ADGRL3: variants seen among roughly 807,000 people sequenced by gnomAD.
The protein encoded by ADGRL3 is adhesion G protein-coupled receptor L3.
Under a neutral mutation model 153.5 loss-of-function variants are expected in ADGRL3, and 62 were observed. The observed-to-expected ratio is 0.40, with a 90% CI of 0.33 to 0.50. The LOEUF is 0.50. Ranked by LOEUF, ADGRL3 falls within the 20% of genes least tolerant of loss-of-function variation. The pLI is 0.47. For synonymous variants in ADGRL3, 710 were observed against 672.5 expected (o/e 1.06, Z -0.86); for missense variants, 1,641 against 1,859.4 (o/e 0.88, Z 2.16).
intron 9 of ADGRL3, among the ~76,000 whole-genome samples, chr4:61,848,032 TTATATATATAATATAAAATATATTA>T (rs1561353280): frequency 1.3e-4 from 1 of 7,806 alleles, no homozygotes; most frequent in Non-Finnish European, 3.9e-4. Flanking sequence ...ATAAAATATA[TTATATATATAATATAAAATATATTA>T]TATATATAAT....
At chr4:61,626,279 G>C (rs956022964) in intron 5 of ADGRL3, among the ~76,000 whole-genome samples, 15 of 151,816 alleles carry the variant, frequency 9.9e-5, no homozygotes, top group Admixed American at 9.8e-4. Flanking sequence ...CCATTTATTT[G>C]GATTAAACTG....
chr4:61,339,851 GA>G (rs1453743083), intron 1 of ADGRL3, among the ~76,000 whole-genome samples: 2 of 152,138 alleles, frequency 1.3e-5, no homozygotes, highest in Non-Finnish European at 2.9e-5. Context: ...TTGGGTTTGT[GA>G]AGCCCAGGTG....
rs1455820768 is a variant in ADGRL3, at chr4:62,071,080, A to C, written c.*172A>C. The C allele has an allele frequency of 5.2e-6, 3 of 580,618 alleles. No homozygotes were observed. The highest frequency in any genetic ancestry group is 6.4e-5 in the Admixed American group (2 of 31,216). The allele number at this position is 580,618 out of a possible 1,614,324, so 36.0% of individuals were successfully genotyped here. A position where few individuals can be genotyped will look rare whatever the true frequency, so the allele number is the denominator to read the frequency against. On this transcript the variant is annotated 3_prime_UTR_variant, in exon 27 of 27. Transcript: ENST00000683033. ...TTTAATGGGATTTTTAGGTCAGCCC[A>C]GGGGAGAAAGATAACTGCTAAAATT...
intron 1 of ADGRL3, among the ~76,000 whole-genome samples, chr4:61,304,921 A>G (rs1427408546): frequency 1.3e-5 from 2 of 152,194 alleles, no homozygotes; most frequent in Non-Finnish European, 2.9e-5. Flanking sequence ...ATCAATTTAG[A>G]CAGTGTAACA....
chr4:61,384,612 C>A (rs1030143142), intron 2 of ADGRL3, among the ~76,000 whole-genome samples: 44 of 151,770 alleles, frequency 2.9e-4, no homozygotes, highest in African/African-American at 1.0e-3. Flanking sequence ...AAAATTAACC[C>A]TTCTAGATAT....
intron 1 of ADGRL3, among the ~76,000 whole-genome samples, chr4:61,249,976 T>C (rs115542439): frequency 1.3e-5 from 2 of 152,178 alleles, no homozygotes; most frequent in African/African-American, 2.4e-5. Flanking sequence ...TATGGACTCT[T>C]ATGATGATCC....
chr4:61,587,227 C>G lies in ADGRL3; in HGVS notation c.260C>G (p.Ala87Gly), dbSNP rs748085548. ...CTTTTCTTCCTCTTCCTTTTGGCAGCTTTCAGCCGTGCCCCAATTCCAATG... is the reference window on the plus strand; with the variant it reads ...CTTTTCTTCCTCTTCCTTTTGGCAGGTTTCAGCCGTGCCCCAATTCCAATG... ...GAQGAQIAAQ[A>G]FSRAPIPMAV... The change falls in exon 5 of 27, where the codon GCT (alanine) becomes GGT (glycine). Residue 87 changes from alanine to glycine, a missense_variant and splice_region_variant. Coordinates refer to ENST00000683033, the MANE Select transcript of ADGRL3 (RefSeq NM_001387552.1). The G allele has an allele frequency of 5.5e-5, 88 of 1,598,898 alleles. No individual in the cohort carries two copies. The highest frequency in any genetic ancestry group is 2.4e-4 in the Admixed American group (14 of 58,078).
chr4:61,502,953 T>C (rs549373418), intron 3 of ADGRL3, among the ~76,000 whole-genome samples: 1 of 152,322 alleles, frequency 6.6e-6, no homozygotes, highest in Non-Finnish European at 1.5e-5. Flanking sequence ...AATATAACTA[T>C]GTTTATAGTC....
At chr4:61,906,281 A>G (rs573029141) in intron 11 of ADGRL3, 7 of 152,098 alleles carry the variant, frequency 4.6e-5, no homozygotes, top group Non-Finnish European at 1.0e-4. Flanking sequence ...TCTCCTTCAT[A>G]ATTTTACACT....
intron 19 of ADGRL3, among the ~76,000 whole-genome samples, chr4:61,995,472 A>C (rs976213588): frequency 5.3e-5 from 8 of 152,024 alleles, no homozygotes; most frequent in African/African-American, 9.7e-5. Context: ...TTACCACTGG[A>C]GTTATTTTCT....
chr4:61,576,080 A>G (rs79376461), intron 4 of ADGRL3, among the ~76,000 whole-genome samples: 2 of 151,894 alleles, frequency 1.3e-5, no homozygotes, highest in East Asian at 1.9e-4. Context: ...TTTGAAGTCA[A>G]TTCATATAGC....
chr4:61,547,060 A>G (rs2098717103), intron 4 of ADGRL3, among the ~76,000 whole-genome samples: 1 of 152,202 alleles, frequency 6.6e-6, no homozygotes. Flanking sequence ...GCTGTATAGA[A>G]ATTACTATAG....
chr4:61,297,344 A>G (rs1053138043), intron 1 of ADGRL3, among the ~76,000 whole-genome samples: 7 of 152,098 alleles, frequency 4.6e-5, no homozygotes, highest in Non-Finnish European at 7.4e-5. Flanking sequence ...TAATCAGTTT[A>G]TTAGTTTGCA....
rs1172787939 is a variant in ADGRL3 at position 61,641,818 on chromosome 4, G to C, written c.474-35008G>C. ...TATATACCCAGTAATGGGATGGCTG[G>C]GACAAATGGTATTTCTAGTTCTAGG... On this transcript the variant is annotated intron_variant, in intron 5 of 26. Coordinates refer to ENST00000683033, the MANE Select transcript of ADGRL3 (RefSeq NM_001387552.1). Among the ~76,000 whole-genome samples the C allele has an allele frequency of 2.7e-5, 4 of 149,260 alleles. No individual in the cohort carries two copies. In the East Asian group the frequency reaches 8.0e-4, roughly 30 times the overall value.
chr4:61,788,587 G>A (rs559109288), intron 8 of ADGRL3, among the ~76,000 whole-genome samples: 1 of 152,180 alleles, frequency 6.6e-6, no homozygotes, highest in South Asian at 2.1e-4. Flanking sequence ...CAATGAGAAA[G>A]AACCCAGAAA....
chr4:62,071,076 G>C lies in ADGRL3; in HGVS notation c.*168G>C. 1 of 589,890 alleles carries C rather than the reference G, an allele frequency of 1.7e-6. No individual in the cohort carries two copies. Among genetic ancestry groups the C allele is most frequent in the South Asian group, 2.6e-5 (1 of 38,270 alleles). The allele number at this position is 589,890 out of a possible 1,614,324, so 36.5% of individuals were successfully genotyped here. On this transcript the variant is annotated 3_prime_UTR_variant, in exon 27 of 27. Transcript: ENST00000683033. The stretch of plus-strand genomic sequence containing the variant: ...TTTTTTTAATGGGATTTTTAGGTCA[G>C]CCCAGGGGAGAAAGATAACTGCTAA...
chr4:61,378,729 C>T (rs1202547592), intron 1 of ADGRL3, among the ~76,000 whole-genome samples: 2 of 151,906 alleles, frequency 1.3e-5, no homozygotes, highest in African/African-American at 4.8e-5. Flanking sequence ...GAAAACCAGA[C>T]TCTGTGAAAA....
At chr4:61,553,753 G>A (rs2098751443) in intron 4 of ADGRL3, among the ~76,000 whole-genome samples, 1 of 152,028 alleles carries the variant, frequency 6.6e-6, no homozygotes, top group South Asian at 2.1e-4. Context: ...TGGTTAATCA[G>A]TGGCTAGGCA....
chr4:61,244,196 G>A (rs1045029899), intron 1 of ADGRL3, among the ~76,000 whole-genome samples: 2 of 152,008 alleles, frequency 1.3e-5, no homozygotes, highest in Non-Finnish European at 2.9e-5. Flanking sequence ...TATGATGAAA[G>A]GGGAGGGATT....
Sources: gnomAD v4.1 joint callset for allele counts (sites outside exome capture counted in the v4.1 genomes callset) on GRCh38, gnomAD v4.1.1 for gene constraint, MANE v1.5 for transcripts, NCBI Gene and HGNC (gene_info 2026-07-23, HGNC 2026-07-21) for gene names.